Variants in DPP6 observed in about 807,000 individuals in gnomAD.
DPP6 encodes the protein A-type potassium channel modulatory protein DPP6.
Under a neutral mutation model 122.6 loss-of-function variants are expected in DPP6, and 69 were observed. The observed-to-expected ratio is 0.56, with a 90% CI of 0.46 to 0.69. DPP6 has a LOEUF of 0.69. Ranked by LOEUF, DPP6 falls within the 30% of genes least tolerant of loss-of-function variation. DPP6 has a pLI of 0.00. For synonymous variants in DPP6, 418 were observed against 433.1 expected (o/e 0.97, Z 0.43); for missense variants, 928 against 1,116.9 (o/e 0.83, Z 2.41).
intron 1 of DPP6, among the ~76,000 whole-genome samples, chr7:154,352,675 G>C (rs191102537): frequency 2.7e-4 from 41 of 151,960 alleles, no homozygotes; most frequent in African/African-American, 9.7e-4. Context: ...GGGCCTATTG[G>C]GGGGTGTGGG....
chr7:154,278,163 C>T (rs1332099390), intron 1 of DPP6, among the ~76,000 whole-genome samples: 5 of 152,196 alleles, frequency 3.3e-5, no homozygotes, highest in Non-Finnish European at 5.9e-5. Context: ...GAGCGTTTTT[C>T]ACCAACAACT....
chr7:154,329,571 T>C (rs1334315183), intron 1 of DPP6, among the ~76,000 whole-genome samples: 2 of 152,192 alleles, frequency 1.3e-5, no homozygotes, highest in African/African-American at 4.8e-5. Flanking sequence ...TAGGAACGCT[T>C]TCACACTGTT....
At chr7:154,249,834 G>C (rs1802235900) in intron 1 of DPP6, among the ~76,000 whole-genome samples, 1 of 152,096 alleles carries the variant, frequency 6.6e-6, no homozygotes, top group Non-Finnish European at 1.5e-5. Flanking sequence ...GATGATGGAG[G>C]CTGGATGTAA....
In DPP6 at chr7:154,437,128, A is replaced by G. The variant is rs78129329; in HGVS notation, c.244-9086A>G. Among the ~76,000 whole-genome samples, 610 of 152,260 alleles carry G rather than the reference A, an allele frequency of 4.0e-3. 5 individuals carry two copies. The highest frequency in any genetic ancestry group is 0.014 in the African/African-American group (568 of 41,552). The stretch of plus-strand genomic sequence containing the variant: ...TATGTTAGCTTCCCTGACAAAGGAG[A>G]CTAAGGTTACAGGTGAATAAAGATA... On this transcript the variant is annotated intron_variant, in intron 1 of 25. Coordinates refer to ENST00000377770, the MANE Select transcript of DPP6 (RefSeq NM_130797.4).
At chr7:153,886,112 TACACACACACACACACACACACAC>T (rs60245538), upstream of DPP6, among the ~76,000 whole-genome samples, 295 of 140,414 alleles carry the variant, frequency 2.1e-3, 4 homozygotes, top group Non-Finnish European at 6.5e-4. Flanking sequence ...GGCACGCCCT[TACACACACACACACACACACACAC>T]ACACACACAC....
chr7:154,689,143 G>T (rs1839797673), intron 7 of DPP6, among the ~76,000 whole-genome samples: 1 of 152,186 alleles, frequency 6.6e-6, no homozygotes, highest in Non-Finnish European at 1.5e-5. Context: ...AACAGCAATA[G>T]TGAAGATGCA....
In DPP6 at chr7:154,751,445, C is replaced by CAA. The variant is rs36080228; in HGVS notation, c.884-17958_884-17957dup. ...CAAAACCCTGTCTCTCCTAAAAATACAAAAAAAAAAAAAAATTAGTCGGGC... is the reference window on the plus strand; with the variant it reads ...CAAAACCCTGTCTCTCCTAAAAATACAAAAAAAAAAAAAAAAATTAGTCGGGC... On this transcript the variant is annotated intron_variant, in intron 8 of 25. Transcript: ENST00000377770. Among the ~76,000 whole-genome samples, 229 of 136,910 alleles carry CAA rather than the reference C, an allele frequency of 1.7e-3. 2 individuals carry two copies. Among genetic ancestry groups the CAA allele is most frequent in the African/African-American group, 2.7e-3 (100 of 37,296 alleles). The allele number at this position is 136,910 out of a possible 152,430, so 89.8% of individuals were successfully genotyped here. A position where few individuals can be genotyped will look rare whatever the true frequency, so the allele number is the denominator to read the frequency against.
At chr7:154,658,567 C>T (rs1042131610) in intron 6 of DPP6, among the ~76,000 whole-genome samples, 4 of 152,072 alleles carry the variant, frequency 2.6e-5, no homozygotes, top group African/African-American at 7.2e-5. Flanking sequence ...GAAGCAGGGA[C>T]CCTGGGCCAA....
In DPP6 at chr7:154,863,739, C is replaced by T. The variant is rs927488020; in HGVS notation, c.1715-4256C>T. On this transcript the variant is annotated intron_variant, in intron 17 of 25. Coordinates refer to ENST00000377770, the MANE Select transcript of DPP6 (RefSeq NM_130797.4). The surrounding 1 kb of genome is among the most constrained non-coding windows in gnomAD (Gnocchi z 4.1). ...CTAAGGTGGGAGGATTGCTTGAGCC[C>T]GGGTGTTCGAGGCTGCAGTGAGTTA... Among the ~76,000 whole-genome samples, 2 of 151,822 alleles carry T rather than the reference C, an allele frequency of 1.3e-5. No individual in the cohort carries two copies. The highest frequency in any genetic ancestry group is 2.4e-5 in the African/African-American group (1 of 41,322).
chr7:154,386,373 A>G (rs1814115073), intron 1 of DPP6, among the ~76,000 whole-genome samples: 1 of 151,836 alleles, frequency 6.6e-6, no homozygotes, highest in African/African-American at 2.4e-5. Context: ...GAGAACATTC[A>G]GAAAAGATTT....
chr7:153,829,220 C>T, the DPP6 span, among the ~76,000 whole-genome samples: 1 of 152,086 alleles, frequency 6.6e-6, no homozygotes, highest in East Asian at 1.9e-4. Flanking sequence ...TTGTCCTCCT[C>T]CCTTTTATTT....
chr7:153,969,441 T>C (rs1257972023), intron 1 of DPP6, among the ~76,000 whole-genome samples: 11 of 147,228 alleles, frequency 7.5e-5, no homozygotes, highest in African/African-American at 1.1e-4. Context: ...AAAATTACTT[T>C]CTTTGCTTTT....
chr7:154,143,916 G>T lies in DPP6; in HGVS notation c.243+90853G>T, dbSNP rs1293988114. Among the ~76,000 whole-genome samples the T allele has an allele frequency of 3.9e-5, 6 of 152,044 alleles. No homozygotes were observed. The East Asian group carries it at 1.2e-3, about 29-fold the overall frequency. On this transcript the variant is annotated intron_variant, in intron 1 of 25. Coordinates refer to ENST00000377770, the MANE Select transcript of DPP6 (RefSeq NM_130797.4). ...TCATTAAATAATTTCCTTAGGATAA[G>T]ATTTTTCACAAATTAATAGGTCAGA...
the DPP6 span, among the ~76,000 whole-genome samples, chr7:153,847,318 C>T: frequency 6.6e-6 from 1 of 152,156 alleles, no homozygotes; most frequent in Non-Finnish European, 1.5e-5. Flanking sequence ...TGGCTATTTT[C>T]CCTTTTACAT....
chr7:154,844,419 A>G (rs1801791455), intron 16 of DPP6, among the ~76,000 whole-genome samples: 1 of 152,208 alleles, frequency 6.6e-6, no homozygotes, highest in East Asian at 1.9e-4. Flanking sequence ...TCTTAGGTAA[A>G]TGCTAACATG....
At chr7:154,108,936 A>C (rs1477839266) in intron 1 of DPP6, among the ~76,000 whole-genome samples, 1 of 152,214 alleles carries the variant, frequency 6.6e-6, no homozygotes, top group Non-Finnish European at 1.5e-5. Context: ...TTTAAGTGTG[A>C]AAATGTTCTT....
At chr7:153,780,745 G>T in the DPP6 span, among the ~76,000 whole-genome samples, 1 of 152,128 alleles carries the variant, frequency 6.6e-6, no homozygotes, top group African/African-American at 2.4e-5. Flanking sequence ...AGAGGATCTG[G>T]ATTGGGAGTT....
At chr7:154,838,452 G>T (rs530113531) in intron 16 of DPP6, 31 of 152,342 alleles carry the variant, frequency 2.0e-4, no homozygotes, top group African/African-American at 6.0e-4. Flanking sequence ...GGCCAAAAAG[G>T]TTAAGTAATA....
intron 1 of DPP6, among the ~76,000 whole-genome samples, chr7:154,114,797 T>G (rs572962398): frequency 2.0e-5 from 3 of 152,312 alleles, no homozygotes; most frequent in Admixed American, 6.5e-5. Context: ...TCTGCAGTCT[T>G]TTTTGCTGCC....
Sources: gnomAD v4.1 joint callset for allele counts (sites outside exome capture counted in the v4.1 genomes callset) on GRCh38, gnomAD v4.1.1 for gene constraint, Gnocchi (gnomAD v3.1) non-coding constraint, MANE v1.5 for transcripts, NCBI Gene and HGNC (gene_info 2026-07-23, HGNC 2026-07-21) for gene names.